The following CSGALNACT1 variants were observed in gnomAD, a reference collection of about 807,000 sequenced individuals.
The protein encoded by CSGALNACT1 is beta4GalNAcT-1.
CSGALNACT1 carries 52 observed loss-of-function variants against 51.0 expected under a neutral mutation model. The ratio of observed to expected loss-of-function variants is 1.02; its 90% confidence interval spans 0.82 to 1.29. The LOEUF is 1.29. CSGALNACT1 is among the 50% of genes most tolerant of loss of function. CSGALNACT1 has a pLI of 0.00. For synonymous variants in CSGALNACT1, 341 were observed against 254.4 expected, an observed-to-expected ratio of 1.34 and a Z score of -3.24; for missense variants, 935 against 679.2, an observed-to-expected ratio of 1.38 and a Z score of -4.19.
intron 1 of CSGALNACT1, among the ~76,000 whole-genome samples, chr8:19,701,906 G>C (rs917689955): frequency 1.3e-5 from 2 of 152,170 alleles, no homozygotes; most frequent in East Asian, 3.9e-4. Flanking sequence ...AATAAACACA[G>C]ATATACTCAT....
At chr8:19,680,465 A>T (rs2060514098) in intron 1 of CSGALNACT1, among the ~76,000 whole-genome samples, 1 of 151,364 alleles carries the variant, frequency 6.6e-6, no homozygotes, top group Non-Finnish European at 1.5e-5. Flanking sequence ...CTGAGGCAGG[A>T]CAATCACTTG....
At chr8:19,455,627 C>G (rs1006109211) in intron 5 of CSGALNACT1, among the ~76,000 whole-genome samples, 2 of 152,134 alleles carry the variant, frequency 1.3e-5, no homozygotes, top group African/African-American at 4.8e-5. Context: ...TTTTATGAAG[C>G]ATTAAATACC....
chr8:19,407,605 C>T (rs1382057261), intron 9 of CSGALNACT1, among the ~76,000 whole-genome samples: 1 of 152,174 alleles, frequency 6.6e-6, no homozygotes, highest in African/African-American at 2.4e-5. Flanking sequence ...CTGACTCTGC[C>T]TCTTACCTGC....
intron 4 of CSGALNACT1, among the ~76,000 whole-genome samples, chr8:19,496,297 G>C (rs555234331): frequency 3.9e-5 from 6 of 152,152 alleles, no homozygotes; most frequent in African/African-American, 1.4e-4. Flanking sequence ...GGGATCCGAG[G>C]CTTTCATATT....
intron 3 of CSGALNACT1, among the ~76,000 whole-genome samples, chr8:19,538,423 G>A (rs2084277927): frequency 6.6e-6 from 1 of 152,124 alleles, no homozygotes; most frequent in Non-Finnish European, 1.5e-5. Flanking sequence ...CACTGTGGTA[G>A]AAAATCAGCT....
rs531893311 is a variant in CSGALNACT1, at chr8:19,583,549, C to G, written c.-297+7611G>C. Among the ~76,000 whole-genome samples, 20 of 152,296 alleles carry G rather than the reference C, an allele frequency of 1.3e-4. No homozygotes were observed. The South Asian group carries it at 4.1e-3, about 32-fold the overall frequency. On this transcript the variant is annotated intron_variant, in intron 3 of 9. Transcript: ENST00000454498. ...TTGATTCCATTCTAACTGACACTCT[C>G]CCAAAATGTGTTAGGCTACCAAATC...
intron 1 of CSGALNACT1, among the ~76,000 whole-genome samples, chr8:19,692,201 G>A (rs1215070777): frequency 6.6e-6 from 1 of 152,010 alleles, no homozygotes; most frequent in African/African-American, 2.4e-5. Flanking sequence ...GGAATTATAG[G>A]GATTACAATT....
Position 19,691,457 on chromosome 8 carries a change from T to G in CSGALNACT1, c.-297+66393A>C, listed in dbSNP as rs186428216. On this transcript the variant is annotated intron_variant, in intron 1 of 1. Transcript: ENST00000517494. ...AAAACAAAACAAAAACAAACACCAA[T>G]TGCCTTCTCATTAGAAAAGAACTTA... is the stretch of plus-strand genomic sequence containing the variant. 2.4e-3 allele frequency among the ~76,000 whole-genome samples: 365 copies of G among 152,252 alleles called. 8 individuals carry two copies. The highest frequency in any genetic ancestry group is 0.022 in the Admixed American group (341 of 15,298).
chr8:19,660,191 T>C (rs2154189908), intron 1 of CSGALNACT1, among the ~76,000 whole-genome samples: 2 of 152,304 alleles, frequency 1.3e-5, no homozygotes, highest in Admixed American at 1.3e-4. Context: ...GCATTCTATA[T>C]TATTCCATAT....
chr8:19,446,269 A>T (rs149453864), intron 5 of CSGALNACT1, among the ~76,000 whole-genome samples: 285 of 152,286 alleles, frequency 1.9e-3, no homozygotes, highest in African/African-American at 6.5e-3. Flanking sequence ...ACGGTTATTC[A>T]TACCTGGACA....
At chr8:19,468,489 T>C (rs1215265650) in intron 4 of CSGALNACT1, among the ~76,000 whole-genome samples, 2 of 151,372 alleles carry the variant, frequency 1.3e-5, no homozygotes, top group Non-Finnish European at 2.9e-5. Flanking sequence ...ATGGGAGAGG[T>C]GAGATCTTTC....
chr8:19,458,893 C>T (rs998138834), intron 4 of CSGALNACT1, among the ~76,000 whole-genome samples: 2 of 152,152 alleles, frequency 1.3e-5, no homozygotes, highest in Non-Finnish European at 2.9e-5. Flanking sequence ...TGGATACAAA[C>T]TGTATTCATA....
intron 3 of CSGALNACT1, among the ~76,000 whole-genome samples, chr8:19,580,776 G>A (rs2045393472): frequency 1.3e-5 from 2 of 152,078 alleles, no homozygotes; most frequent in South Asian, 4.1e-4. Context: ...CAATTACTGT[G>A]TTCAAGAAAA....
At chr8:19,609,110 C>G (rs540273748) in intron 1 of CSGALNACT1, among the ~76,000 whole-genome samples, 2 of 151,470 alleles carry the variant, frequency 1.3e-5, no homozygotes, top group South Asian at 4.2e-4. Flanking sequence ...AAAATGAAAA[C>G]TTTGTGTAAA....
chr8:19,678,834 G>C (rs1564410563), intron 1 of CSGALNACT1: 1 of 152,154 alleles, frequency 6.6e-6, no homozygotes, highest in Non-Finnish European at 1.5e-5. Flanking sequence ...CCTGGTAAGT[G>C]ACACCAAGCA....
chr8:19,638,497 T>C (rs1394204419), intron 1 of CSGALNACT1, among the ~76,000 whole-genome samples: 2 of 152,142 alleles, frequency 1.3e-5, no homozygotes, highest in Non-Finnish European at 2.9e-5. Context: ...AGCATTACAA[T>C]ATTTTGCTAA....
intron 1 of CSGALNACT1, among the ~76,000 whole-genome samples, chr8:19,755,571 T>C (rs1318210942): frequency 1.3e-5 from 2 of 148,764 alleles, no homozygotes; most frequent in Non-Finnish European, 3.0e-5. Context: ...CTCTATAAGG[T>C]GAGGAATACT....
intron 3 of CSGALNACT1, among the ~76,000 whole-genome samples, chr8:19,573,378 G>C (rs1481714607): frequency 2.6e-5 from 4 of 152,164 alleles, no homozygotes; most frequent in Non-Finnish European, 5.9e-5. Context: ...TGAAAACCTT[G>C]GCAGGTGCCA....
chr8:19,723,476 C>T (rs1331343993), intron 1 of CSGALNACT1, among the ~76,000 whole-genome samples: 1 of 152,170 alleles, frequency 6.6e-6, no homozygotes, highest in Non-Finnish European at 1.5e-5. Flanking sequence ...CCACAAACCA[C>T]ATGACTAGTT....
Sources: allele counts gnomAD v4.1 joint callset (sites outside exome capture counted in the v4.1 genomes callset), GRCh38; gene constraint gnomAD v4.1.1; transcripts MANE v1.5; gene names NCBI Gene and HGNC (gene_info 2026-07-23, HGNC 2026-07-21).